Variants in MAML2 observed in about 807,000 individuals in gnomAD.
MAML2 encodes the protein mastermind-like protein 2.
MAML2 carries 22 observed loss-of-function variants against 96.1 expected under a neutral mutation model. The observed-to-expected ratio is 0.23, with a 90% CI of 0.16 to 0.33. The LOEUF (loss-of-function observed/expected upper bound fraction) is 0.33, where lower values mean the gene tolerates loss of function less well. MAML2 is among the 10% of genes least tolerant of loss of function. The pLI is 1.00. For missense variants in MAML2, 1,367 were observed against 1,392.4 expected (o/e 0.98, Z 0.29); for synonymous variants, 561 against 521.3 (o/e 1.08, Z -1.04).
In MAML2 at chr11:95,977,513, A is replaced by T. The variant is rs1857666899; in HGVS notation, c.*1435T>A. On this transcript the variant is annotated 3_prime_UTR_variant, in exon 5 of 5. Transcript: ENST00000524717. ...GCTAAATTACATTTGATATTTGAAT[A>T]TGTGAGCATAGAACTGAAAGGGCTG... The T allele has an allele frequency of 5.0e-6, 1 of 198,246 alleles. No homozygotes were observed. Among genetic ancestry groups the T allele is most frequent in the South Asian group, 1.9e-4 (1 of 5,224 alleles). 12.3% of individuals were successfully genotyped at this position (198,246 alleles called of 1,614,324 possible).
In MAML2 at chr11:96,132,410, T is replaced by C. The variant is rs538530446; in HGVS notation, c.514-38893A>G. 1.6e-4 allele frequency among the ~76,000 whole-genome samples: 24 copies of C among 152,320 alleles called. No individual in the cohort carries two copies. In the South Asian group the frequency reaches 4.6e-3, roughly 29 times the overall value. ...TAATTACCTCAGAACTAACCACATTTAGATTTTAGATATCAAGTACAAACT... is the reference window on the plus strand; with the variant it reads ...TAATTACCTCAGAACTAACCACATTCAGATTTTAGATATCAAGTACAAACT... On this transcript the variant is annotated intron_variant, in intron 1 of 4. Coordinates refer to ENST00000524717, the MANE Select transcript of MAML2 (RefSeq NM_032427.4).
chr11:96,293,889 A>T (rs1385208043), intron 1 of MAML2, among the ~76,000 whole-genome samples: 2 of 152,224 alleles, frequency 1.3e-5, no homozygotes, highest in South Asian at 4.1e-4. Context: ...TAAATGGCCC[A>T]AACATCCAGA....
intron 2 of MAML2, among the ~76,000 whole-genome samples, chr11:96,071,411 T>C (rs1288659069): frequency 1.3e-5 from 2 of 152,240 alleles, no homozygotes; most frequent in Admixed American, 6.5e-5. Flanking sequence ...TATTTTGAAA[T>C]CCACAGCCCA....
intron 1 of MAML2, among the ~76,000 whole-genome samples, chr11:96,247,842 T>C (rs550133317): frequency 1.8e-4 from 28 of 152,164 alleles, no homozygotes; most frequent in African/African-American, 6.7e-4. Context: ...ACTGAGAAAA[T>C]AGAAACAATC....
intron 1 of MAML2, among the ~76,000 whole-genome samples, chr11:96,164,116 T>C (rs1197515811): frequency 6.6e-6 from 1 of 152,046 alleles, no homozygotes; most frequent in Non-Finnish European, 1.5e-5. Context: ...CCTCAAGTTA[T>C]CCACCTGCCT....
chr11:96,114,454 A>G (rs1319293248), intron 1 of MAML2, among the ~76,000 whole-genome samples: 1 of 152,122 alleles, frequency 6.6e-6, no homozygotes, highest in African/African-American at 2.4e-5. Context: ...TTTGAAATGA[A>G]TTCATGCAAA....
intron 2 of MAML2, among the ~76,000 whole-genome samples, chr11:96,005,063 G>A (rs1393080639): frequency 2.0e-5 from 3 of 152,202 alleles, no homozygotes; most frequent in Non-Finnish European, 4.4e-5. Context: ...CACCTAATCA[G>A]TGGAACAGGC....
At chr11:96,155,550 A>G (rs1219997903) in intron 1 of MAML2, among the ~76,000 whole-genome samples, 6 of 128,326 alleles carry the variant, frequency 4.7e-5, no homozygotes, top group Admixed American at 7.9e-5. Context: ...ATATATATAT[A>G]TGAGGAAAGT....
intron 4 of MAML2, among the ~76,000 whole-genome samples, chr11:95,983,434 G>A (rs910273680): frequency 6.6e-6 from 1 of 152,034 alleles, no homozygotes; most frequent in Admixed American, 6.6e-5. Context: ...GACAGAAGAT[G>A]GTTAATGGAT....
chr11:96,017,737 G>C (rs1424044189), intron 2 of MAML2, among the ~76,000 whole-genome samples: 1 of 152,072 alleles, frequency 6.6e-6, no homozygotes, highest in Non-Finnish European at 1.5e-5. Flanking sequence ...CAAGTCCTGA[G>C]TTCTTGAGGT....
intron 2 of MAML2, among the ~76,000 whole-genome samples, chr11:96,027,893 G>A (rs480190): frequency 0.25 from 37,272 of 151,710 alleles, 4,831 homozygotes; most frequent in East Asian, 0.37. Context: ...TACTGTGCCC[G>A]GCTCATTTTC....
intron 2 of MAML2, among the ~76,000 whole-genome samples, chr11:95,992,295 G>T (rs537230561): frequency 2.6e-5 from 4 of 152,064 alleles, no homozygotes; most frequent in Non-Finnish European, 5.9e-5. Context: ...ATTTTGTTCC[G>T]CAGTCAACAA....
At chr11:96,321,185 C>T (rs1467009364) in intron 1 of MAML2, among the ~76,000 whole-genome samples, 1 of 152,196 alleles carries the variant, frequency 6.6e-6, no homozygotes, top group Non-Finnish European at 1.5e-5. Flanking sequence ...TGTAGCCAAC[C>T]TCTGAGCACA....
chr11:96,239,773 T>A (rs909777534), intron 1 of MAML2, among the ~76,000 whole-genome samples: 1 of 152,238 alleles, frequency 6.6e-6, no homozygotes, highest in African/African-American at 2.4e-5. Context: ...GTAGAATGAA[T>A]GTTGGTCAAT....
At chr11:96,275,874 C>T (rs1034837099) in intron 1 of MAML2, among the ~76,000 whole-genome samples, 2 of 152,280 alleles carry the variant, frequency 1.3e-5, no homozygotes, top group South Asian at 2.1e-4. Flanking sequence ...GTCGTTAGCT[C>T]TTCACTATGG....
chr11:96,293,905 A>C (rs1362915416), intron 1 of MAML2, among the ~76,000 whole-genome samples: 6 of 152,226 alleles, frequency 3.9e-5, no homozygotes, highest in African/African-American at 1.4e-4. Context: ...CCAGAGTCTA[A>C]TAGTCTAGTG....
chr11:96,096,913 G>A (rs1269980199), intron 1 of MAML2, among the ~76,000 whole-genome samples: 1 of 152,168 alleles, frequency 6.6e-6, no homozygotes. Flanking sequence ...TAGGATAAAA[G>A]ACACCCATCA....
intron 1 of MAML2, among the ~76,000 whole-genome samples, chr11:96,253,925 T>C (rs1862623235): frequency 6.6e-6 from 1 of 152,230 alleles, no homozygotes; most frequent in Non-Finnish European, 1.5e-5. Flanking sequence ...TTAATTACCA[T>C]GTCCCCTTCT....
intron 1 of MAML2, among the ~76,000 whole-genome samples, chr11:96,224,421 A>C (rs1055961121): frequency 2.0e-5 from 3 of 152,190 alleles, no homozygotes; most frequent in African/African-American, 4.8e-5. Context: ...CTGTCCCTGG[A>C]GATCTATACT....
Sources: allele counts gnomAD v4.1 joint callset (sites outside exome capture counted in the v4.1 genomes callset), GRCh38; gene constraint gnomAD v4.1.1; transcripts MANE v1.5; gene names NCBI Gene and HGNC (gene_info 2026-07-23, HGNC 2026-07-21).